The following CLPB variants were observed in gnomAD, a reference collection of about 807,000 sequenced individuals.
The protein encoded by CLPB is mitochondrial disaggregase.
Under a neutral mutation model 78.4 loss-of-function variants are expected in CLPB, and 40 were observed. The observed-to-expected ratio is 0.51, with a 90% CI of 0.40 to 0.66. The LOEUF is 0.66. Ranked by LOEUF, CLPB falls within the 30% of genes least tolerant of loss-of-function variation. The pLI, the probability that CLPB is intolerant of heterozygous loss-of-function variation, is 0.00. For synonymous variants in CLPB, 333 were observed against 348.0 expected, an observed-to-expected ratio of 0.96 and a Z score of 0.48; for missense variants, 780 against 886.9, an observed-to-expected ratio of 0.88 and a Z score of 1.53.
chr11:72,332,205 G>A (rs559444936), intron 5 of CLPB, among the ~76,000 whole-genome samples: 19 of 151,840 alleles, frequency 1.3e-4, no homozygotes, highest in Middle Eastern at 3.4e-3. Context: ...ATTCAAGGCC[G>A]GGCACAGTGG....
At chr11:72,371,444 G>A (rs552621413) in intron 4 of CLPB, among the ~76,000 whole-genome samples, 1 of 151,938 alleles carries the variant, frequency 6.6e-6, no homozygotes, top group East Asian at 1.9e-4. Context: ...CATAGGAATT[G>A]CTTGAACCCA....
At chr11:72,378,755 G>A (rs973826997) in intron 4 of CLPB, among the ~76,000 whole-genome samples, 4 of 152,194 alleles carry the variant, frequency 2.6e-5, no homozygotes, top group African/African-American at 9.7e-5. Context: ...GAAATTCTCT[G>A]TTTAAAACAT....
At chr11:72,379,320 G>T (rs552544636) in intron 4 of CLPB, among the ~76,000 whole-genome samples, 37 of 152,294 alleles carry the variant, frequency 2.4e-4, no homozygotes, top group African/African-American at 8.9e-4. Flanking sequence ...CCCTATTGCT[G>T]GCAATGTCAG....
chr11:72,353,496 A>T (rs1310280937), intron 5 of CLPB, among the ~76,000 whole-genome samples: 1 of 152,256 alleles, frequency 6.6e-6, no homozygotes, highest in South Asian at 2.1e-4. Context: ...AGCAAAGAGT[A>T]GACCAAAAAG....
At chr11:72,349,848 C>T (rs1178662633) in intron 5 of CLPB, among the ~76,000 whole-genome samples, 2 of 152,226 alleles carry the variant, frequency 1.3e-5, no homozygotes, top group African/African-American at 2.4e-5. Context: ...GTGTAGGACA[C>T]GGAACAGACC....
intron 11 of CLPB, among the ~76,000 whole-genome samples, chr11:72,297,700 T>TGTGTGTGTGC (rs1294715631): frequency 2.5e-5 from 3 of 122,024 alleles, no homozygotes; most frequent in Non-Finnish European, 5.0e-5. Flanking sequence ...TGTGTGTGTG[T>TGTGTGTGTGC]GTGACATGTC....
chr11:72,348,292 T>C (rs1036685291), intron 5 of CLPB, among the ~76,000 whole-genome samples: 28 of 152,238 alleles, frequency 1.8e-4, no homozygotes, highest in Admixed American at 1.6e-3. Context: ...ATCACAATGG[T>C]CACTAAACAA....
At chr11:72,347,358 G>A (rs1365860729) in intron 5 of CLPB, among the ~76,000 whole-genome samples, 2 of 152,036 alleles carry the variant, frequency 1.3e-5, no homozygotes, top group Non-Finnish European at 2.9e-5. Flanking sequence ...TTGGGACCCT[G>A]AGGTGGGAGG....
At chr11:72,426,977 G>C (rs561035161) in intron 2 of CLPB, among the ~76,000 whole-genome samples, 5 of 152,322 alleles carry the variant, frequency 3.3e-5, no homozygotes, top group South Asian at 2.1e-4. Flanking sequence ...GGATCAGAGT[G>C]GGGGGAAGAG....
chr11:72,372,997 C>G, intron 4 of CLPB: 1 of 1,614,092 alleles, frequency 6.2e-7, no homozygotes. Flanking sequence ...TGCCGGCTTG[C>G]ACCGTCCTGT....
At chr11:72,308,811 T>G (rs901816882) in intron 7 of CLPB, among the ~76,000 whole-genome samples, 2 of 152,170 alleles carry the variant, frequency 1.3e-5, no homozygotes, top group African/African-American at 4.8e-5. Context: ...TTTGGAAAGC[T>G]GCCCAGAGCA....
At chr11:72,304,522 C>G (rs1949713152) in intron 9 of CLPB, among the ~76,000 whole-genome samples, 1 of 152,188 alleles carries the variant, frequency 6.6e-6, no homozygotes, top group Non-Finnish European at 1.5e-5. Context: ...CACAGAACAC[C>G]ATTAAGGTTC....
intron 3 of CLPB, among the ~76,000 whole-genome samples, chr11:72,381,215 A>G (rs184704985): frequency 6.6e-6 from 1 of 152,228 alleles, no homozygotes; most frequent in African/African-American, 2.4e-5. Context: ...ACACATGGAG[A>G]GACATACACT....
chr11:72,418,912 A>G (rs78597743), intron 2 of CLPB, among the ~76,000 whole-genome samples: 5,835 of 151,994 alleles, frequency 0.038, 350 homozygotes, highest in African/African-American at 0.12. Context: ...ATCCATTGAC[A>G]GAATCACAAG....
At chr11:72,399,549 T>C (rs760528389) in intron 3 of CLPB, among the ~76,000 whole-genome samples, 10 of 152,216 alleles carry the variant, frequency 6.6e-5, no homozygotes, top group Non-Finnish European at 2.9e-5. Context: ...CCAAATAAAA[T>C]GTACATACAG....
chr11:72,352,664 T>C (rs1950635187), intron 5 of CLPB: 1 of 152,262 alleles, frequency 6.6e-6, no homozygotes, highest in Non-Finnish European at 1.5e-5. Flanking sequence ...TCTCCATTAA[T>C]ACACCAGATA....
chr11:72,370,757 G>A (rs1951026945), intron 4 of CLPB, among the ~76,000 whole-genome samples: 1 of 152,144 alleles, frequency 6.6e-6, no homozygotes, highest in Admixed American at 6.6e-5. Flanking sequence ...TGAATACAAA[G>A]TAAGTATCAA....
At chr11:72,359,673 CTA>C (rs1950795853) in intron 4 of CLPB, among the ~76,000 whole-genome samples, 1 of 152,152 alleles carries the variant, frequency 6.6e-6, no homozygotes, top group African/African-American at 2.4e-5. Context: ...ACTTGAGAAA[CTA>C]TGTGTCAGAT....
In CLPB at chr11:72,358,863, TC is replaced by T; in HGVS notation, c.775+16del. The T allele has an allele frequency of 3.0e-6, 2 of 665,402 alleles. No homozygotes were observed. Among genetic ancestry groups the T allele is most frequent in the Non-Finnish European group, 2.0e-6 (1 of 504,436 alleles). The allele number at this position is 665,402 out of a possible 1,614,324, so 41.2% of individuals were successfully genotyped here. A position where few individuals can be genotyped will look rare whatever the true frequency, so the allele number is the denominator to read the frequency against. On this transcript the variant is annotated intron_variant, in intron 5 of 15. Coordinates refer to ENST00000538039, the MANE Select transcript of CLPB (RefSeq NM_001258392.3). ...TCCACTTCCCCCACCCCACCCCTCC[TC>T]CACCTCTGCTCTCACCTCCATCAAG...
Sources: gnomAD v4.1 joint callset for allele counts (sites outside exome capture counted in the v4.1 genomes callset) on GRCh38, gnomAD v4.1.1 for gene constraint, MANE v1.5 for transcripts, NCBI Gene and HGNC (gene_info 2026-07-23, HGNC 2026-07-21) for gene names.